Variants in WNT2B observed in about 807,000 individuals in gnomAD.
WNT2B encodes the protein Wnt family member 2B.
In WNT2B, 19 loss-of-function variants were observed where a neutral mutation model predicts 40.5. The observed-to-expected ratio is 0.47, with a 90% confidence interval of 0.33 to 0.69. The LOEUF is 0.69. Ranked by LOEUF, WNT2B falls within the 30% of genes least tolerant of loss-of-function variation. WNT2B has a pLI of 0.02. For synonymous variants in WNT2B, 220 were observed against 211.9 expected (o/e 1.04, Z -0.33); for missense variants, 467 against 556.4 (o/e 0.84, Z 1.62).
rs547316656 is a variant in WNT2B at position 112,477,789 on chromosome 1, T to TA, written c.-95+10198_-95+10199insA. On this transcript the variant is annotated intron_variant, in intron 1 of 4. Transcript: ENST00000256640. ...GCAGACTTGATCAAGCAAAATAATT[T>TA]TAAAAAAAAATCTGTGAACCTGAAG... Among the ~76,000 whole-genome samples, 802 of 151,780 alleles carry TA rather than the reference T, an allele frequency of 5.3e-3. 3 individuals are homozygous for TA. The highest frequency in any genetic ancestry group is 0.018 in the African/African-American group (758 of 41,470).
upstream of WNT2B, chr1:112,508,762 C>G: frequency 3.0e-6 from 3 of 986,700 alleles, no homozygotes; most frequent in Non-Finnish European, 3.6e-6. The surrounding 1 kb of genome is among the most constrained non-coding windows in gnomAD (Gnocchi z 4.2). Flanking sequence ...CCGCGGCGTC[C>G]CGTCGCAGCG....
chr1:112,467,536 A>C, exon 1 of WNT2B: 1 of 780,880 alleles, frequency 1.3e-6, no homozygotes, highest in Non-Finnish European at 2.4e-6. Context: ...ACACTTTCCC[A>C]CATGTTGGAT....
chr1:112,488,535 CTTCT>C (rs1651490215), intron 1 of WNT2B, among the ~76,000 whole-genome samples: 1 of 150,490 alleles, frequency 6.6e-6, no homozygotes, highest in Non-Finnish European at 1.5e-5. Flanking sequence ...AGACTCCTTC[CTTCT>C]TTATTTACTT....
intron 1 of WNT2B, among the ~76,000 whole-genome samples, chr1:112,497,069 A>C (rs1196933274): frequency 2.0e-5 from 3 of 152,172 alleles, no homozygotes; most frequent in African/African-American, 7.2e-5. Context: ...TTGGGCCCCC[A>C]AGCCCCTGAG....
intron 1 of WNT2B, among the ~76,000 whole-genome samples, chr1:112,489,375 A>G (rs948634449): frequency 2.0e-5 from 3 of 152,022 alleles, no homozygotes; most frequent in African/African-American, 7.3e-5. Context: ...CATGGCCAAC[A>G]TGGTGAAAGC....
At chr1:112,498,290 G>C (rs1651843168) in intron 1 of WNT2B, among the ~76,000 whole-genome samples, 1 of 151,516 alleles carries the variant, frequency 6.6e-6, no homozygotes, top group African/African-American at 2.4e-5. Flanking sequence ...GTCTCACTCT[G>C]TTGCCCAGGC....
intron 1 of WNT2B, among the ~76,000 whole-genome samples, chr1:112,487,400 A>T (rs928782432): frequency 6.6e-6 from 1 of 152,226 alleles, no homozygotes; most frequent in South Asian, 2.1e-4. Context: ...TAATAAACCT[A>T]TCATAAATTT....
intron 1 of WNT2B, among the ~76,000 whole-genome samples, chr1:112,512,938 T>C (rs531515690): frequency 6.6e-6 from 1 of 152,256 alleles, no homozygotes; most frequent in Non-Finnish European, 1.5e-5. Context: ...ACTGAACAGA[T>C]GTTCCCACAC....
chr1:112,476,927 A>G (rs1284279469), intron 1 of WNT2B, among the ~76,000 whole-genome samples: 1 of 152,182 alleles, frequency 6.6e-6, no homozygotes, highest in Non-Finnish European at 1.5e-5. Flanking sequence ...CACCACTGCC[A>G]TGGGCACACC....
At position 112,494,036 on chromosome 1, in the gene WNT2B, G is replaced by A. The variant is rs546982617; in HGVS notation, c.-94-20838G>A. ...TAAAAAGTACATCTACCGGCCAGGC[G>A]CGGTGGCTCATGCCTGTAATCCCAG... is the stretch of plus-strand genomic sequence containing the variant. On this transcript the variant is annotated intron_variant, in intron 1 of 4. Coordinates refer to the WNT2B transcript ENST00000256640. 2.3e-3 allele frequency among the ~76,000 whole-genome samples: 356 copies of A among 152,148 alleles called. 1 individual carries two copies. The highest frequency in any genetic ancestry group is 8.1e-3 in the African/African-American group (335 of 41,476).
intron 1 of WNT2B, among the ~76,000 whole-genome samples, chr1:112,496,057 T>C (rs1170483155): frequency 1.3e-5 from 2 of 152,180 alleles, no homozygotes; most frequent in Non-Finnish European, 2.9e-5. Context: ...CTTTCAATAG[T>C]GTCACATTAA....
intron 1 of WNT2B, chr1:112,467,699 G>C: frequency 1.5e-6 from 1 of 667,286 alleles, no homozygotes. Flanking sequence ...GATCATATAC[G>C]TAGTATGTAT....
intron 1 of WNT2B, among the ~76,000 whole-genome samples, chr1:112,512,241 G>A (rs1323252858): frequency 6.6e-6 from 1 of 152,202 alleles, no homozygotes; most frequent in Non-Finnish European, 1.5e-5. Context: ...GAACAGTTAG[G>A]TGTTTATTCA....
rs200421272 is a variant in WNT2B at position 112,509,304 on chromosome 1, G to T, written c.42G>T (p.Pro14=). 6.4e-7 allele frequency: 1 copy of T among 1,557,612 alleles called. No homozygotes were observed. Among genetic ancestry groups the T allele is most frequent in the East Asian group, 2.4e-5 (1 of 42,022 alleles). ...GTGCGGAGGAAGCTGCGCAGCTCCC[G>T]CTTCGGCGCGCCAGCGCCCCGGTCC... ...PGGAEEAAQL[P]LRRASAPVPV... The change falls in exon 1 of 5, where the codon CCG becomes CCT. Residue 14 remains proline, a synonymous_variant. Transcript: ENST00000369684. This position sits in a 1 kb window ranked among gnomAD's most constrained non-coding sequence, Gnocchi z 4.2.
chr1:112,466,976 G>T (rs751142763), exon 1 of WNT2B: 2 of 152,656 alleles, frequency 1.3e-5, no homozygotes, highest in Non-Finnish European at 2.9e-5. Context: ...GGTGCTGGTG[G>T]GAGAGACAAA....
intron 1 of WNT2B, among the ~76,000 whole-genome samples, chr1:112,501,925 G>A (rs975859226): frequency 3.9e-5 from 6 of 152,194 alleles, no homozygotes; most frequent in Admixed American, 6.5e-5. Flanking sequence ...TTTTCTTCGG[G>A]CAGAAACGCG....
intron 1 of WNT2B, among the ~76,000 whole-genome samples, chr1:112,497,639 CA>C (rs1188103899): frequency 2.6e-5 from 4 of 152,200 alleles, no homozygotes; most frequent in African/African-American, 7.2e-5. Flanking sequence ...TGATGAATAC[CA>C]CCTGACTTCC....
chr1:112,516,376 C>T lies in WNT2B; in HGVS notation c.640C>T (p.Arg214Trp), dbSNP rs746895878. Reference protein sequence around the residue: ...DAKEKRLKDARALMNLHNNRC... With the variant: ...DAKEKRLKDAWALMNLHNNRC... ...CAAGGAGAAGAGGCTTAAGGATGCC[C>T]GGGCCCTCATGAACTTACATAATAA... is the stretch of plus-strand genomic sequence containing the variant. The change falls in exon 3 of 5, where the codon CGG becomes TGG. Residue 214 changes from arginine to tryptophan, a missense_variant. Arg to Trp is a moderately radical substitution (Grantham distance 101, BLOSUM62 -3). This residue lies in a region of WNT2B where 330 missense variants were observed against 438.6 expected (regional missense o/e 0.75). Transcript: ENST00000369684. 8 of 1,613,796 alleles carry T rather than the reference C, an allele frequency of 5.0e-6. No individual in the cohort carries two copies. The highest frequency in any genetic ancestry group is 1.7e-5 in the Admixed American group (1 of 60,000).
chr1:112,508,898 C>A (rs910352762), upstream of WNT2B: 7 of 1,052,504 alleles, frequency 6.7e-6, no homozygotes, highest in Middle Eastern at 4.3e-4. The surrounding 1 kb of genome is among the most constrained non-coding windows in gnomAD (Gnocchi z 4.2). Flanking sequence ...CTAAGGGCCG[C>A]GCGTGTCCCC....
Sources: allele counts gnomAD v4.1 joint callset (sites outside exome capture counted in the v4.1 genomes callset), GRCh38; gene constraint gnomAD v4.1.1; regional missense constraint gnomAD v4.1.1; non-coding constraint Gnocchi (gnomAD v3.1); transcripts MANE v1.5; gene names NCBI Gene and HGNC (gene_info 2026-07-23, HGNC 2026-07-21).